CCDC122: variants seen among roughly 807,000 people sequenced by gnomAD.
CCDC122 encodes coiled-coil domain containing 122, also known as coiled-coil domain-containing protein 122.
A neutral mutation model predicts 37.0 loss-of-function variants in CCDC122; 38 were observed. The ratio of observed to expected loss-of-function variants is 1.03; its 90% confidence interval spans 0.79 to 1.35. The LOEUF (loss-of-function observed/expected upper bound fraction) is 1.35. Among genes scored for constraint, CCDC122 ranks in the 40% most tolerant of loss-of-function variants. The probability of loss-of-function intolerance (pLI) is 0.00; values close to 1 mark genes in which losing one functional copy is unlikely to be tolerated. For synonymous variants in CCDC122, 83 were observed against 95.6 expected, an observed-to-expected ratio of 0.87 and a Z score of 0.77; for missense variants, 305 against 310.0, an observed-to-expected ratio of 0.98 and a Z score of 0.12.
chr13:43,852,737 A>G (rs1953781441), intron 6 of CCDC122, among the ~76,000 whole-genome samples: 1 of 97,586 alleles, frequency 1.0e-5, no homozygotes, highest in South Asian at 2.9e-4. Context: ...GCAGCTAGAG[A>G]GAAAGGTCAG....
At position 43,873,640 on chromosome 13, in the gene CCDC122, G is replaced by C. The variant is rs189881542; in HGVS notation, c.-114+1202C>G. 3.7e-3 allele frequency among the ~76,000 whole-genome samples: 561 copies of C among 152,306 alleles called. 3 individuals are homozygous for C. Among genetic ancestry groups the C allele is most frequent in the African/African-American group, 0.012 (506 of 41,566 alleles). On this transcript the variant is annotated intron_variant, in intron 2 of 6. Coordinates refer to ENST00000444614, the MANE Select transcript of CCDC122 (RefSeq NM_144974.5). ...ATTGACCTACCCAAAGGATGAGCCA[G>C]AACCTTCACTCTTTTTCCATTACAA...
intron 6 of CCDC122, chr13:43,849,134 G>C: frequency 1.3e-6 from 1 of 788,238 alleles, no homozygotes; most frequent in Non-Finnish European, 1.5e-6. Flanking sequence ...ACTGAATTGA[G>C]GACAACTTTT....
chr13:43,852,621 C>T (rs1279906709), intron 6 of CCDC122, among the ~76,000 whole-genome samples: 1 of 151,952 alleles, frequency 6.6e-6, no homozygotes, highest in Non-Finnish European at 1.5e-5. Context: ...CATTCAAATT[C>T]AGGAAGTGCA....
At chr13:43,829,950 A>T (rs1055525710) in intron 3 of CCDC122, among the ~76,000 whole-genome samples, 6 of 152,076 alleles carry the variant, frequency 3.9e-5, no homozygotes, top group Admixed American at 1.3e-4. Flanking sequence ...ATCTCAGCTC[A>T]CTGCAGCCTC....
At chr13:43,822,042 T>C (rs1952997186), downstream of CCDC122, among the ~76,000 whole-genome samples, 1 of 152,210 alleles carries the variant, frequency 6.6e-6, no homozygotes, top group South Asian at 2.1e-4. Flanking sequence ...ATGGTCTTGA[T>C]GCTCGTAGAT....
At chr13:43,852,209 A>T (rs1594833237) in intron 6 of CCDC122, among the ~76,000 whole-genome samples, 1 of 152,098 alleles carries the variant, frequency 6.6e-6, no homozygotes, top group East Asian at 1.9e-4. Flanking sequence ...GTATGTTAAA[A>T]CCCAGTCCAA....
chr13:43,835,932 G>A (rs971063838), downstream of CCDC122, among the ~76,000 whole-genome samples: 3 of 152,152 alleles, frequency 2.0e-5, no homozygotes, highest in African/African-American at 7.2e-5. Context: ...TTGTGTTACA[G>A]GATAAGCTGT....
intron 6 of CCDC122, among the ~76,000 whole-genome samples, chr13:43,842,662 T>C (rs897016406): frequency 6.6e-6 from 1 of 152,020 alleles, no homozygotes; most frequent in Non-Finnish European, 1.5e-5. Context: ...ACTATGAACA[T>C]AGGATATCAT....
At chr13:43,835,169 A>G (rs1002573865), downstream of CCDC122, among the ~76,000 whole-genome samples, 5 of 152,230 alleles carry the variant, frequency 3.3e-5, no homozygotes, top group African/African-American at 1.2e-4. Context: ...AGGGACATGG[A>G]TGAAGCTGGA....
intron 4 of CCDC122, among the ~76,000 whole-genome samples, chr13:43,864,791 T>G (rs1258026189): frequency 6.6e-6 from 1 of 152,038 alleles, no homozygotes; most frequent in Non-Finnish European, 1.5e-5. Context: ...GGATGATCTT[T>G]TGTTCGAATG....
Position 43,859,716 on chromosome 13 carries a change from G to T in CCDC122, c.511C>A (p.Gln171Lys). ...KLKTMKEELM[Q>K]DLQNPGGNRI... ...TTCCCTCCTGGATTTTGAAGATCTT[G>T]CATAAGTTCTTCTTTCATTGTCTTT... Residue 171 changes from glutamine to lysine, a missense_variant, in exon 5 of 7, where the codon CAA becomes AAA. Coordinates refer to ENST00000444614, the MANE Select transcript of CCDC122 (RefSeq NM_144974.5). 6.3e-7 allele frequency: 1 copy of T among 1,584,542 alleles called. No individual in the cohort carries two copies. Among genetic ancestry groups the T allele is most frequent in the Non-Finnish European group, 8.5e-7 (1 of 1,170,596 alleles).
At chr13:43,872,854 T>C (rs564931263) in intron 2 of CCDC122, among the ~76,000 whole-genome samples, 2 of 152,210 alleles carry the variant, frequency 1.3e-5, no homozygotes, top group African/African-American at 4.8e-5. Flanking sequence ...TACTGACCCA[T>C]TTCTTTGCTC....
At chr13:43,847,984 A>G (rs970387747) in intron 6 of CCDC122, among the ~76,000 whole-genome samples, 2 of 152,184 alleles carry the variant, frequency 1.3e-5, no homozygotes, top group Non-Finnish European at 2.9e-5. Context: ...CATGCTGTCC[A>G]GGCTGGTCTC....
chr13:43,839,330 A>G (rs1320507366), intron 6 of CCDC122, among the ~76,000 whole-genome samples: 1 of 152,184 alleles, frequency 6.6e-6, no homozygotes, highest in Non-Finnish European at 1.5e-5. Context: ...TTTTATATAA[A>G]TGGAATTGTA....
chr13:43,848,979 C>G (rs1953634444), intron 6 of CCDC122: 2 of 958,536 alleles, frequency 2.1e-6, no homozygotes, highest in Non-Finnish European at 2.5e-6. Context: ...GAAGGTTACT[C>G]ATATTAATGA....
At chr13:43,834,932 T>C (rs1469008659), downstream of CCDC122, among the ~76,000 whole-genome samples, 14 of 151,772 alleles carry the variant, frequency 9.2e-5, no homozygotes, top group African/African-American at 2.7e-4. Context: ...ACTAGAAATA[T>C]CATTTGACCC....
At chr13:43,868,575 A>T (rs962066723) in intron 4 of CCDC122, 119 bp downstream of exon 4, 2 of 539,606 alleles carry the variant, frequency 3.7e-6, no homozygotes, top group Non-Finnish European at 6.2e-6. Flanking sequence ...GGGAGAACAG[A>T]ATAATTGACA....
At chr13:43,859,537 T>C in intron 5 of CCDC122, 135 bp downstream of exon 5, 1 of 655,104 alleles carries the variant, frequency 1.5e-6, no homozygotes, top group Non-Finnish European at 2.3e-6. Context: ...TTTTTTCAAT[T>C]ATGAAAATAG....
At chr13:43,838,589 T>TTTAATA (rs1953240882) in intron 6 of CCDC122, among the ~76,000 whole-genome samples, 2 of 152,218 alleles carry the variant, frequency 1.3e-5, no homozygotes, top group South Asian at 4.1e-4. Flanking sequence ...ACCAACTCTA[T>TTTAATA]GAAGTTACCA....
Sources: allele counts gnomAD v4.1 joint callset (sites outside exome capture counted in the v4.1 genomes callset), GRCh38; gene constraint gnomAD v4.1.1; transcripts MANE v1.5; gene names NCBI Gene and HGNC (gene_info 2026-07-23, HGNC 2026-07-21).